Variants in IL7 observed in about 807,000 individuals in gnomAD.
The protein encoded by IL7 is interleukin 7, also known as interleukin-7.
IL7 carries 3 observed loss-of-function variants against 21.6 expected under a neutral mutation model. That is an observed-to-expected ratio of 0.14 (90% CI 0.06 to 0.36). The LOEUF (loss-of-function observed/expected upper bound fraction) is 0.36. Among genes scored for constraint, IL7 ranks in the 10% least tolerant of loss-of-function variants. The pLI, the probability that IL7 is intolerant of heterozygous loss-of-function variation, is 1.00. For synonymous variants in IL7, 62 were observed against 68.1 expected (o/e 0.91, Z 0.44); for missense variants, 175 against 200.2 (o/e 0.87, Z 0.76).
At chr8:78,760,338 T>C in intron 2 of IL7, 1 of 1,610,052 alleles carries the variant, frequency 6.2e-7, no homozygotes, top group Non-Finnish European at 8.5e-7. Flanking sequence ...TCCATTTTCA[T>C]ACCGCTCATT....
At chr8:78,685,360 G>A (rs945074651) in intron 4 of IL7, among the ~76,000 whole-genome samples, 4 of 152,194 alleles carry the variant, frequency 2.6e-5, no homozygotes, top group Admixed American at 6.5e-5. Context: ...ACTGGAAGTT[G>A]TAGAAGGAAG....
At chr8:78,696,201 A>G (rs1299231674) in intron 3 of IL7, among the ~76,000 whole-genome samples, 1 of 151,926 alleles carries the variant, frequency 6.6e-6, no homozygotes, top group Middle Eastern at 3.4e-3. Context: ...CGCCCGGCTA[A>G]TTTTTTGTAT....
chr8:78,740,042 T>C lies in IL7; in HGVS notation c.188A>G (p.Glu63Gly). 1.3e-6 allele frequency: 2 copies of C among 1,542,356 alleles called. No individual in the cohort carries two copies. Among genetic ancestry groups the C allele is most frequent in the Non-Finnish European group, 1.7e-6 (2 of 1,148,518 alleles). Reference sequence around the variant, plus strand: ...GATATGTCTTTTAAAAAAGTTAAATTCATTATTCAGGCAATTGCTACCAAT... The same window carrying C: ...GATATGTCTTTTAAAAAAGTTAAATCCATTATTCAGGCAATTGCTACCAAT... ...KEIGSNCLNN[E>G]FNFFKRHICD... is the part of the protein sequence containing the mutation. Residue 63 changes from glutamate (E) to glycine (G), a missense_variant, in exon 3 of 6, where the codon GAA becomes GGA. Glu to Gly is a moderately conservative substitution (Grantham distance 98, BLOSUM62 -2). Transcript: ENST00000263851.
At chr8:78,723,592 A>G (rs1278913471) in intron 3 of IL7, among the ~76,000 whole-genome samples, 1 of 152,080 alleles carries the variant, frequency 6.6e-6, no homozygotes, top group Non-Finnish European at 1.5e-5. Flanking sequence ...AGAAAATATT[A>G]ATGGATAAAC....
At chr8:78,689,123 T>C (rs1810123210) in intron 3 of IL7, 3 of 859,944 alleles carry the variant, frequency 3.5e-6, no homozygotes. Context: ...CAGATGTTAT[T>C]ACTTATATTT....
intron 4 of IL7, among the ~76,000 whole-genome samples, chr8:78,684,171 C>T (rs1164367685): frequency 6.6e-6 from 1 of 152,200 alleles, no homozygotes; most frequent in Non-Finnish European, 1.5e-5. Flanking sequence ...CAGTACCCCA[C>T]TCCACCAGTA....
At chr8:78,766,853 A>ATAAATGTATTTTGGTAAAAATACAT (rs1462385257) in intron 2 of IL7, among the ~76,000 whole-genome samples, 14 of 152,150 alleles carry the variant, frequency 9.2e-5, no homozygotes, top group Non-Finnish European at 1.8e-4. Flanking sequence ...AGATTTGCTG[A>ATAAATGTATTTTGGTAAAAATACAT]ATAAAATGGT....
intron 3 of IL7, among the ~76,000 whole-genome samples, chr8:78,694,668 G>T (rs1356757618): frequency 6.6e-6 from 1 of 151,996 alleles, no homozygotes; most frequent in African/African-American, 2.4e-5. Context: ...TGAAAGGTTG[G>T]TCTAAATAGT....
chr8:78,796,765 C>T (rs532555148), intron 2 of IL7, among the ~76,000 whole-genome samples: 65 of 151,872 alleles, frequency 4.3e-4, no homozygotes, highest in African/African-American at 1.5e-3. Flanking sequence ...CAAAGGCTGG[C>T]GAAGATGGAA....
chr8:78,684,839 T>C (rs2130476907), intron 4 of IL7, among the ~76,000 whole-genome samples: 1 of 152,210 alleles, frequency 6.6e-6, no homozygotes, highest in South Asian at 2.1e-4. Context: ...AAAATACTAC[T>C]GAAAGATAAA....
chr8:78,689,623 G>A (rs1377380390), intron 3 of IL7, among the ~76,000 whole-genome samples: 1 of 151,654 alleles, frequency 6.6e-6, no homozygotes, highest in Admixed American at 6.6e-5. Context: ...GTCTTAGCAC[G>A]TTTTGTATAT....
chr8:78,804,768 T>G (rs1166339900), intron 1 of IL7, 145 bp downstream of exon 1: 1 of 861,640 alleles, frequency 1.2e-6, no homozygotes. Context: ...TGGCTGCCCA[T>G]GGGAGAGCCA....
chr8:78,686,342 TATC>T (rs1418511333), intron 3 of IL7: 2 of 796,726 alleles, frequency 2.5e-6, no homozygotes, highest in Non-Finnish European at 3.4e-6. Flanking sequence ...TTGAGAAGGA[TATC>T]ATTTAAGGAC....
At chr8:78,696,478 G>A (rs1307132024) in intron 3 of IL7, among the ~76,000 whole-genome samples, 1 of 152,190 alleles carries the variant, frequency 6.6e-6, no homozygotes, top group Non-Finnish European at 1.5e-5. Flanking sequence ...TGTGAAGTTG[G>A]GGCATAACCC....
chr8:78,718,495 T>C (rs1410097499), intron 6 of IL7: 1 of 151,886 alleles, frequency 6.6e-6, no homozygotes, highest in African/African-American at 2.4e-5. Flanking sequence ...ATAAAAAATA[T>C]TTGAATTTTT....
chr8:78,722,204 A>G (rs1390314566), intron 3 of IL7, among the ~76,000 whole-genome samples: 2 of 151,932 alleles, frequency 1.3e-5, no homozygotes, highest in African/African-American at 4.8e-5. Flanking sequence ...ACTCATGTTC[A>G]TCTGCAATAT....
chr8:78,743,664 G>T (rs1490606348), intron 2 of IL7, among the ~76,000 whole-genome samples: 1 of 152,118 alleles, frequency 6.6e-6, no homozygotes. Context: ...TTGAACCCTT[G>T]CTGGAGAGGT....
intron 1 of IL7, among the ~76,000 whole-genome samples, chr8:78,802,871 G>A (rs1384063681): frequency 6.6e-6 from 1 of 152,158 alleles, no homozygotes; most frequent in Non-Finnish European, 1.5e-5. Flanking sequence ...CAAGGGGATT[G>A]CATAAAAACC....
At chr8:78,791,292 G>T (rs1206517877) in intron 2 of IL7, among the ~76,000 whole-genome samples, 1 of 152,080 alleles carries the variant, frequency 6.6e-6, no homozygotes, top group Non-Finnish European at 1.5e-5. Context: ...TCAAAAGTAA[G>T]AAAATAAGGG....
Sources: allele counts gnomAD v4.1 joint callset (sites outside exome capture counted in the v4.1 genomes callset), GRCh38; gene constraint gnomAD v4.1.1; transcripts MANE v1.5; gene names NCBI Gene and HGNC (gene_info 2026-07-23, HGNC 2026-07-21).